The following PTPRG variants were observed in gnomAD, a reference collection of about 807,000 sequenced individuals.
PTPRG encodes receptor-type tyrosine-protein phosphatase gamma.
Under a neutral mutation model 165.3 loss-of-function variants are expected in PTPRG, and 102 were observed. The ratio of observed to expected loss-of-function variants is 0.62; its 90% CI spans 0.53 to 0.73. The LOEUF (loss-of-function observed/expected upper bound fraction) is 0.73. Among genes scored for constraint, PTPRG ranks in the 30% least tolerant of loss-of-function variants. The pLI is 0.00. For synonymous variants in PTPRG, 675 were observed against 669.5 expected, an observed-to-expected ratio of 1.01 and a Z score of -0.13; for missense variants, 1,866 against 1,861.4, an observed-to-expected ratio of 1.00 and a Z score of -0.05.
chr3:61,742,839 C>T (rs1252810813), intron 1 of PTPRG: 93 of 1,590,128 alleles, frequency 5.8e-5, no homozygotes, highest in Non-Finnish European at 7.7e-5. Flanking sequence ...TGAGTTTTTT[C>T]AGCGCCTCGA....
At chr3:61,759,808 T>C (rs2033773733) in intron 2 of PTPRG, among the ~76,000 whole-genome samples, 2 of 152,144 alleles carry the variant, frequency 1.3e-5, no homozygotes, top group Non-Finnish European at 2.9e-5. Context: ...GGTTTTTTTT[T>C]TTTAAATCAA....
intron 2 of PTPRG, among the ~76,000 whole-genome samples, chr3:61,755,116 T>G (rs2033590235): frequency 6.6e-6 from 1 of 152,120 alleles, no homozygotes; most frequent in Non-Finnish European, 1.5e-5. Flanking sequence ...CAAGCTATTC[T>G]CCTGCCTGCA....
At position 62,271,062 on chromosome 3, in the gene PTPRG, A is replaced by G. The variant is rs896113343; in HGVS notation, c.3010-321A>G. Among the ~76,000 whole-genome samples, 3 of 152,194 alleles carry G rather than the reference A, an allele frequency of 2.0e-5. No homozygotes were observed. The highest frequency in any genetic ancestry group is 7.2e-5 in the African/African-American group (3 of 41,454). Reference sequence around the variant, plus strand: ...ACTAAGATCTGGACTTGGGGCAGAAAGTCAGGAAATGGAGGCCTTGCAGGA... The same window carrying G: ...ACTAAGATCTGGACTTGGGGCAGAAGGTCAGGAAATGGAGGCCTTGCAGGA... On this transcript the variant is annotated intron_variant, in intron 20 of 29. Transcript: ENST00000474889. This position sits in a 1 kb window ranked among gnomAD's most constrained non-coding sequence, Gnocchi z 4.1.
intron 28 of PTPRG, among the ~76,000 whole-genome samples, chr3:62,288,625 A>G (rs1702760912): frequency 6.6e-6 from 1 of 151,088 alleles, no homozygotes; most frequent in South Asian, 2.1e-4. Flanking sequence ...GTGAACCAAG[A>G]TTGCACCATT....
chr3:61,699,349 A>G (rs1379467446), intron 1 of PTPRG, among the ~76,000 whole-genome samples: 1 of 152,156 alleles, frequency 6.6e-6, no homozygotes, highest in Non-Finnish European at 1.5e-5. Flanking sequence ...GGATTCTCCT[A>G]ACTGCTTTTG....
chr3:61,976,924 C>A (rs1456595011), intron 2 of PTPRG, among the ~76,000 whole-genome samples: 1 of 152,072 alleles, frequency 6.6e-6, no homozygotes, highest in Non-Finnish European at 1.5e-5. Flanking sequence ...TTCTGCCATG[C>A]CTTGGCCTCC....
At chr3:61,662,600 G>C (rs888072423) in intron 1 of PTPRG, among the ~76,000 whole-genome samples, 4 of 152,214 alleles carry the variant, frequency 2.6e-5, no homozygotes, top group African/African-American at 9.6e-5. Flanking sequence ...TTGTTACACA[G>C]TAATAGATCA....
At chr3:62,020,979 C>G (rs2041676329) in intron 4 of PTPRG, among the ~76,000 whole-genome samples, 1 of 151,974 alleles carries the variant, frequency 6.6e-6, no homozygotes, top group Non-Finnish European at 1.5e-5. Flanking sequence ...CTGGCCTCAT[C>G]TATGTTTTTT....
chr3:62,262,364 A>G (rs1445838499), intron 16 of PTPRG: 1 of 153,054 alleles, frequency 6.5e-6, no homozygotes, highest in Non-Finnish European at 1.5e-5. Flanking sequence ...TATACTTCTT[A>G]GAAATTCCCT....
chr3:62,203,489 A>G lies in PTPRG; in HGVS notation c.1694A>G (p.Asp565Gly), dbSNP rs549991785. ...GAGGCCTTGGCTTCTCCAGGGCCCGATGGTGATTCGTCACCAACCAAGGAC... is the reference window on the plus strand; with the variant it reads ...GAGGCCTTGGCTTCTCCAGGGCCCGGTGGTGATTCGTCACCAACCAAGGAC... ...TTEALASPGP[D>G]GDSSPTKDGE... Residue 565 changes from aspartate (D) to glycine (G), a missense_variant, in exon 12 of 30, where the codon GAT (aspartate) becomes GGT (glycine). Transcript: ENST00000474889. This position sits in a 1 kb window ranked among gnomAD's most constrained non-coding sequence, Gnocchi z 6.4. 3 of 1,569,032 alleles carry G rather than the reference A, an allele frequency of 1.9e-6. No homozygotes were observed. Among genetic ancestry groups the G allele is most frequent in the East Asian group, 2.4e-5 (1 of 41,972 alleles).
intron 1 of PTPRG, among the ~76,000 whole-genome samples, chr3:61,675,309 T>C (rs986462008): frequency 2.6e-5 from 4 of 152,314 alleles, no homozygotes; most frequent in Admixed American, 6.5e-5. Flanking sequence ...TAGGAAAATA[T>C]AGAAAAATAA....
chr3:62,004,001 T>G (rs2041233863), intron 4 of PTPRG, among the ~76,000 whole-genome samples: 1 of 152,130 alleles, frequency 6.6e-6, no homozygotes, highest in Non-Finnish European at 1.5e-5. Flanking sequence ...GATGGTGACA[T>G]TTTGCTTCTG....
chr3:61,597,961 T>C (rs1421725840), intron 1 of PTPRG, among the ~76,000 whole-genome samples: 1 of 152,204 alleles, frequency 6.6e-6, no homozygotes, highest in Non-Finnish European at 1.5e-5. Context: ...TGCCACAGTT[T>C]GTTTTTCTTT....
At chr3:61,606,544 C>T (rs1335491476) in intron 1 of PTPRG, among the ~76,000 whole-genome samples, 1 of 152,188 alleles carries the variant, frequency 6.6e-6, no homozygotes, top group East Asian at 1.9e-4. Context: ...CTTCTGGTGT[C>T]CCAATGTCAG....
chr3:61,579,599 T>A (rs1354819384), intron 1 of PTPRG, among the ~76,000 whole-genome samples: 11 of 152,254 alleles, frequency 7.2e-5, no homozygotes, highest in Admixed American at 5.9e-4. Flanking sequence ...TCACGTAACT[T>A]GGAAAGCGGC....
chr3:61,669,862 C>G (rs1702919493), intron 1 of PTPRG, among the ~76,000 whole-genome samples: 2 of 152,148 alleles, frequency 1.3e-5, no homozygotes, highest in African/African-American at 2.4e-5. Context: ...ACAGACCAGA[C>G]ACGTGCTGCC....
intron 6 of PTPRG, among the ~76,000 whole-genome samples, chr3:62,155,009 G>T (rs1360433230): frequency 1.3e-5 from 2 of 152,206 alleles, no homozygotes; most frequent in African/African-American, 4.8e-5. Flanking sequence ...TCCCCGCCAA[G>T]CATGCTTGCA....
At chr3:62,110,575 C>T (rs1702634803) in intron 5 of PTPRG, among the ~76,000 whole-genome samples, 1 of 151,050 alleles carries the variant, frequency 6.6e-6, no homozygotes, top group Admixed American at 6.6e-5. Flanking sequence ...CTCTACCTTG[C>T]AAGTTTTTCA....
intron 2 of PTPRG, among the ~76,000 whole-genome samples, chr3:61,833,594 ACT>A (rs1212235574): frequency 6.6e-6 from 1 of 151,584 alleles, no homozygotes; most frequent in African/African-American, 2.4e-5. Context: ...GACAAGTCTC[ACT>A]CTGTCGCCCA....
Sources: gnomAD v4.1 joint callset for allele counts (sites outside exome capture counted in the v4.1 genomes callset) on GRCh38, gnomAD v4.1.1 for gene constraint, Gnocchi (gnomAD v3.1) non-coding constraint, MANE v1.5 for transcripts, NCBI Gene and HGNC (gene_info 2026-07-23, HGNC 2026-07-21) for gene names.